Variants in CTNNA3 observed in about 807,000 individuals in gnomAD.
The protein encoded by CTNNA3 is catenin alpha-3.
CTNNA3 carries 76 observed loss-of-function variants against 95.7 expected under a neutral mutation model. The ratio of observed to expected loss-of-function variants is 0.79; its 90% CI spans 0.66 to 0.96. The LOEUF is 0.96. Ranked by LOEUF, CTNNA3 falls within the 40% of genes least tolerant of loss-of-function variation. CTNNA3 has a pLI of 0.00. For synonymous variants in CTNNA3, 431 were observed against 374.4 expected (o/e 1.15, Z -1.74); for missense variants, 1,191 against 1,089.8 (o/e 1.09, Z -1.31).
intron 7 of CTNNA3, among the ~76,000 whole-genome samples, chr10:67,050,385 G>A (rs916934833): frequency 2.0e-5 from 3 of 152,058 alleles, no homozygotes; most frequent in Non-Finnish European, 4.4e-5. Context: ...CTTTAGCTAA[G>A]GTGATGTAAT....
At chr10:66,206,739 T>C (rs2087783421) in intron 13 of CTNNA3, among the ~76,000 whole-genome samples, 1 of 151,952 alleles carries the variant, frequency 6.6e-6, no homozygotes, top group Non-Finnish European at 1.5e-5. Flanking sequence ...AAGATTTTCT[T>C]TGTAAAATGA....
chr10:67,438,505 C>G (rs1053404864), intron 5 of CTNNA3, among the ~76,000 whole-genome samples: 11 of 152,270 alleles, frequency 7.2e-5, no homozygotes, highest in Admixed American at 7.2e-4. Flanking sequence ...TAGAAGCCAC[C>G]ATCAATTGTC....
intron 1 of CTNNA3, among the ~76,000 whole-genome samples, chr10:67,727,977 T>G (rs1344054316): frequency 7.2e-6 from 1 of 138,376 alleles, no homozygotes; most frequent in Non-Finnish European, 1.5e-5. Context: ...AGATGACACA[T>G]AATACATATA....
rs371414925 is a variant in CTNNA3 at position 67,107,801 on chromosome 10, G to T, written c.1047+72516C>A. Among the ~76,000 whole-genome samples, 32 of 152,016 alleles carry T rather than the reference G, an allele frequency of 2.1e-4. 1 individual carries two copies. Among genetic ancestry groups the T allele is most frequent in the East Asian group, 1.9e-3 (10 of 5,140 alleles). ...GTCTGCACACTGGGAAGGTGCACTC[G>T]GGTGCAGTCACACAGAGGTTCCAGT... is the stretch of plus-strand genomic sequence containing the variant. On this transcript the variant is annotated intron_variant, in intron 7 of 17. Transcript: ENST00000433211.
At chr10:66,604,520 C>T (rs1436662353) in intron 10 of CTNNA3, among the ~76,000 whole-genome samples, 2 of 152,170 alleles carry the variant, frequency 1.3e-5, no homozygotes, top group Admixed American at 1.3e-4. Context: ...TGTCACCATA[C>T]TACGAAATGC....
intron 15 of CTNNA3, among the ~76,000 whole-genome samples, chr10:65,996,975 C>T (rs1052299350): frequency 6.6e-6 from 1 of 152,018 alleles, no homozygotes; most frequent in African/African-American, 2.4e-5. Context: ...GAGTCCTGTT[C>T]CAATCTTTAT....
At chr10:67,481,407 A>T (rs1285842321) in intron 5 of CTNNA3, among the ~76,000 whole-genome samples, 1 of 152,316 alleles carries the variant, frequency 6.6e-6, no homozygotes, top group East Asian at 1.9e-4. Flanking sequence ...GGCTCCTGAA[A>T]CAGATAAACA....
At chr10:66,067,868 A>T (rs1394335529) in intron 15 of CTNNA3, among the ~76,000 whole-genome samples, 1 of 152,146 alleles carries the variant, frequency 6.6e-6, no homozygotes, top group African/African-American at 2.4e-5. Flanking sequence ...GTGAGCCGAG[A>T]TCGTGCCACT....
chr10:66,527,953 T>C lies in CTNNA3; in HGVS notation c.1375-7180A>G, dbSNP rs904882487. On this transcript the variant is annotated intron_variant, in intron 10 of 17. Coordinates refer to ENST00000433211, the MANE Select transcript of CTNNA3 (RefSeq NM_013266.4). ...ATAAGTTTTTTTATTCGTTTAAAGT[T>C]GGATTTTGTCAGGCAAGTAAAAAGA... Among the ~76,000 whole-genome samples, 14 of 152,180 alleles carry C rather than the reference T, an allele frequency of 9.2e-5. 1 individual carries two copies. The highest frequency in any genetic ancestry group is 5.9e-4 in the Admixed American group (9 of 15,286).
At chr10:67,086,287 T>A (rs1265908691) in intron 7 of CTNNA3, among the ~76,000 whole-genome samples, 1 of 152,016 alleles carries the variant, frequency 6.6e-6, no homozygotes, top group Non-Finnish European at 1.5e-5. Context: ...CTAAAACAGG[T>A]GCAAGATTTT....
chr10:67,549,293 T>A (rs1840945051), intron 3 of CTNNA3, among the ~76,000 whole-genome samples: 1 of 152,072 alleles, frequency 6.6e-6, no homozygotes, highest in South Asian at 2.1e-4. Flanking sequence ...CTAACTTCTC[T>A]CCTTGGGGGG....
At chr10:66,157,473 TGATA>T (rs756667749) in intron 13 of CTNNA3, among the ~76,000 whole-genome samples, 4,183 of 135,224 alleles carry the variant, frequency 0.031, 121 homozygotes, top group African/African-American at 0.074. Context: ...GATAGACAGA[TGATA>T]GATAGATAGA....
intron 7 of CTNNA3, among the ~76,000 whole-genome samples, chr10:67,050,112 T>C (rs2133180839): frequency 6.6e-6 from 1 of 152,346 alleles, no homozygotes; most frequent in South Asian, 2.1e-4. Context: ...TCCTCTGATT[T>C]CCATTGCCCG....
chr10:66,498,618 A>C (rs2131957279), intron 11 of CTNNA3, among the ~76,000 whole-genome samples: 1 of 152,288 alleles, frequency 6.6e-6, no homozygotes, highest in South Asian at 2.1e-4. Context: ...AAAACACATC[A>C]GATTTTACAT....
At chr10:67,411,656 A>G (rs184352450) in intron 5 of CTNNA3, among the ~76,000 whole-genome samples, 15 of 152,250 alleles carry the variant, frequency 9.9e-5, no homozygotes, top group African/African-American at 3.1e-4. Context: ...TGAAATTTCA[A>G]TTGTAAGACA....
rs1356204429 is a variant in CTNNA3, at chr10:65,918,785, A to G, written c.*1545T>C. The G allele has an allele frequency of 6.6e-6, 1 of 152,116 alleles. No individual in the cohort carries two copies. Among genetic ancestry groups the G allele is most frequent in the Non-Finnish European group, 1.5e-5 (1 of 68,002 alleles). 9.4% of individuals were successfully genotyped at this position (152,116 alleles called of 1,614,324 possible). A position where few individuals can be genotyped will look rare whatever the true frequency, so the allele number is the denominator to read the frequency against. ...TAATTAATAATGACCTATTAAATAG[A>G]TCCTTCTTTTCCCATACCATTATGC... is the stretch of plus-strand genomic sequence containing the variant. On this transcript the variant is annotated 3_prime_UTR_variant, in exon 18 of 18. Coordinates refer to ENST00000433211, the MANE Select transcript of CTNNA3 (RefSeq NM_013266.4).
At chr10:67,253,223 T>C (rs985679401) in intron 5 of CTNNA3, among the ~76,000 whole-genome samples, 1 of 152,156 alleles carries the variant, frequency 6.6e-6, no homozygotes, top group Non-Finnish European at 1.5e-5. Context: ...AACGGGCAAG[T>C]AGTATACAGC....
At chr10:66,794,032 G>A (rs1236324988) in intron 7 of CTNNA3, among the ~76,000 whole-genome samples, 1 of 152,068 alleles carries the variant, frequency 6.6e-6, no homozygotes, top group African/African-American at 2.4e-5. Context: ...CTTAATTACA[G>A]ACTAGTACGT....
chr10:66,300,920 C>A (rs535639789), intron 12 of CTNNA3, among the ~76,000 whole-genome samples: 52 of 151,792 alleles, frequency 3.4e-4, no homozygotes, highest in Admixed American at 1.2e-3. Flanking sequence ...ATAAAATTTA[C>A]AAGCCCGTAG....
Sources: allele counts gnomAD v4.1 joint callset (sites outside exome capture counted in the v4.1 genomes callset), GRCh38; gene constraint gnomAD v4.1.1; transcripts MANE v1.5; gene names NCBI Gene and HGNC (gene_info 2026-07-23, HGNC 2026-07-21).